HTRA4: variants seen among roughly 807,000 people sequenced by gnomAD.
HTRA4 encodes HtrA serine peptidase 4, also known as serine protease HTRA4.
Under a neutral mutation model 49.1 loss-of-function variants are expected in HTRA4, and 46 were observed. That is an observed-to-expected ratio of 0.94 (90% CI 0.74 to 1.20). The LOEUF (loss-of-function observed/expected upper bound fraction) is 1.20, where lower values mean the gene tolerates loss of function less well. Among genes scored for constraint, HTRA4 ranks in the 50% most tolerant of loss-of-function variants. HTRA4 has a pLI of 0.00. For missense variants in HTRA4, 602 were observed against 636.9 expected (o/e 0.95, Z 0.59); for synonymous variants, 261 against 264.0 (o/e 0.99, Z 0.11).
chr8:38,981,844 G>C, intron 6 of HTRA4, 77 bp downstream of exon 6: 1 of 1,064,928 alleles, frequency 9.4e-7, no homozygotes, highest in South Asian at 1.4e-5. Flanking sequence ...TGTGGTGACA[G>C]CAATTTTTTT....
chr8:38,979,194 T>C, intron 4 of HTRA4, 21 bp from the exon 5 acceptor site: 2 of 1,607,608 alleles, frequency 1.2e-6, no homozygotes, highest in Non-Finnish European at 1.7e-6. Flanking sequence ...CACTGATGTC[T>C]TTTTCAAATT....
At chr8:38,984,748 A>T (rs562521856) in intron 8 of HTRA4, among the ~76,000 whole-genome samples, 1 of 151,856 alleles carries the variant, frequency 6.6e-6, no homozygotes, top group African/African-American at 2.4e-5. Context: ...GACCCCATTT[A>T]AAAAAACAAA....
chr8:38,975,213 A>T, intron 2 of HTRA4, 83 bp downstream of exon 2: 2 of 1,363,446 alleles, frequency 1.5e-6, no homozygotes, highest in South Asian at 2.3e-5. Flanking sequence ...CGCAAGCGTC[A>T]TTTAATCCTA....
chr8:38,987,849 T>C, intron 8 of HTRA4, 87 bp from the exon 9 acceptor site: 1 of 1,214,362 alleles, frequency 8.2e-7, no homozygotes, highest in East Asian at 2.6e-5. Context: ...AATAGTGCCA[T>C]TAAGACAGAA....
At chr8:38,982,252 AG>A (rs1177367761) in intron 6 of HTRA4, among the ~76,000 whole-genome samples, 1 of 152,170 alleles carries the variant, frequency 6.6e-6, no homozygotes, top group East Asian at 1.9e-4. Context: ...GCACAAACCA[AG>A]CATGAGTTGT....
chr8:38,974,289 CGG>C lies in HTRA4; in HGVS notation c.29_30del (p.Gly10AlafsTer22). The C allele has an allele frequency of 6.2e-7, 1 of 1,612,110 alleles. No individual in the cohort carries two copies. Among genetic ancestry groups the C allele is most frequent in the African/African-American group, 1.3e-5 (1 of 74,982 alleles). On this transcript the variant is annotated frameshift_variant, in exon 1 of 9. Coordinates refer to ENST00000302495, the MANE Select transcript of HTRA4 (RefSeq NM_153692.4). LOFTEE classifies it high-confidence loss of function. ...ATGATTAGACCTCAGCTGCGGACCG[CGG>C]GGCTGGGACGATGCCTCCTGCCGGG... is the stretch of plus-strand genomic sequence containing the variant.
intron 3 of HTRA4, 74 bp downstream of exon 3, chr8:38,976,813 A>G: frequency 7.2e-7 from 1 of 1,387,372 alleles, no homozygotes; most frequent in Non-Finnish European, 1.0e-6. Context: ...TTTCTGCCCC[A>G]CTACACTCTC....
chr8:38,983,430 G>C (rs1835447173), intron 8 of HTRA4, among the ~76,000 whole-genome samples: 1 of 152,050 alleles, frequency 6.6e-6, no homozygotes, highest in Non-Finnish European at 1.5e-5. Context: ...GGAGGCTGAG[G>C]CAGGAGAATC....
At chr8:38,976,925 A>G (rs1835358364) in intron 3 of HTRA4, among the ~76,000 whole-genome samples, 186 bp downstream of exon 3, 1 of 151,012 alleles carries the variant, frequency 6.6e-6, no homozygotes, top group Admixed American at 6.6e-5. Flanking sequence ...GTATATCCCT[A>G]ACCGTTTCTT....
Position 38,988,052 on chromosome 8 carries a change from G to A in HTRA4, c.1385G>A (p.Gly462Glu). The part of the protein sequence containing the change: ...SDSLSMAVLR[G>E]KDNLLLTVIP... ...TCCCTTTCCATGGCTGTTCTTCGGG[G>A]AAAAGATAATTTGCTCCTGACAGTC... The change falls in exon 9 of 9, where the codon GGA becomes GAA. Residue 462 changes from glycine (G) to glutamate (E), a missense_variant. Transcript: ENST00000302495. 4 of 1,610,190 alleles carry A rather than the reference G, an allele frequency of 2.5e-6. No individual in the cohort carries two copies. The highest frequency in any genetic ancestry group is 3.4e-6 in the Non-Finnish European group (4 of 1,178,930).
chr8:38,977,954 C>T lies in HTRA4; in HGVS notation c.773C>T (p.Ala258Val). The change falls in exon 4 of 9, where the codon GCT becomes GTT. Residue 258 changes from alanine (A) to valine (V), a missense_variant and splice_region_variant. By Grantham distance (64) the Ala-to-Val change is moderately conservative. Transcript: ENST00000302495. The part of the protein sequence containing the change: ...DLAVIKIESN[A>V]ELPVLMLGRS... Reference sequence around the variant, plus strand: ...CCATCCCTTTTTGGGCACGTGCAGGCTGAACTTCCTGTACTGATGCTGGGA... The same window carrying T: ...CCATCCCTTTTTGGGCACGTGCAGGTTGAACTTCCTGTACTGATGCTGGGA... 2.5e-6 allele frequency: 4 copies of T among 1,613,336 alleles called. No individual in the cohort carries two copies. The highest frequency in any genetic ancestry group is 3.4e-6 in the Non-Finnish European group (4 of 1,179,826).
chr8:38,977,322 C>T (rs1287886980), intron 3 of HTRA4, among the ~76,000 whole-genome samples: 4 of 143,534 alleles, frequency 2.8e-5, no homozygotes, highest in Non-Finnish European at 4.5e-5. Context: ...AATTATTTCT[C>T]TACTTGTCTT....
In HTRA4 at chr8:38,974,522, C is replaced by A; in HGVS notation, c.259C>A (p.Pro87Thr). ...AGTCTGCGGCGGGGCGCAGGGCCAA[C>A]CGTGCGCCCCGGGGCTGCAGTGCCT... ...REVCGGAQGQ[P>T]CAPGLQCLQP... Residue 87 changes from proline to threonine, a missense_variant, in exon 1 of 9, where the codon CCG becomes ACG. Physicochemically the swap from Pro to Thr is conservative, Grantham distance 38. Transcript: ENST00000302495. 1 of 1,436,880 alleles carries A rather than the reference C, an allele frequency of 7.0e-7. No homozygotes were observed. Among genetic ancestry groups the A allele is most frequent in the Non-Finnish European group, 9.0e-7 (1 of 1,107,904 alleles). 89.0% of individuals were successfully genotyped at this position (1,436,880 alleles called of 1,614,324 possible). A position where few individuals can be genotyped will look rare whatever the true frequency, so the allele number is the denominator to read the frequency against.
chr8:38,974,511 C>T lies in HTRA4; in HGVS notation c.248C>T (p.Ala83Val), dbSNP rs772016067. Residue 83 changes from alanine to valine, a missense_variant, in exon 1 of 9, where the codon GCG (alanine) becomes GTG (valine). Coordinates refer to ENST00000302495, the MANE Select transcript of HTRA4 (RefSeq NM_153692.4). ...PAAEREVCGG[A>V]QGQPCAPGLQ... ...GCCGAGCGTGAAGTCTGCGGCGGGG[C>T]GCAGGGCCAACCGTGCGCCCCGGGG... is the stretch of plus-strand genomic sequence containing the variant. The T allele has an allele frequency of 1.4e-6, 2 of 1,472,266 alleles. No homozygotes were observed. The highest frequency in any genetic ancestry group is 1.5e-5 in the African/African-American group (1 of 67,634). 91.2% of individuals were successfully genotyped at this position (1,472,266 alleles called of 1,614,324 possible).
At chr8:38,979,107 G>A (rs1835388797) in intron 4 of HTRA4, 108 bp from the exon 5 acceptor site, 3 of 1,009,982 alleles carry the variant, frequency 3.0e-6, no homozygotes, top group Admixed American at 1.7e-5. Context: ...GGGGGAATAG[G>A]AGCTTGGTGG....
intron 5 of HTRA4, among the ~76,000 whole-genome samples, chr8:38,979,705 C>T (rs921320391): frequency 3.9e-5 from 6 of 152,084 alleles, no homozygotes; most frequent in Non-Finnish European, 5.9e-5. Context: ...TTAATAGAGA[C>T]GATGTCTCAC....
intron 7 of HTRA4, 81 bp downstream of exon 7, chr8:38,982,636 C>T (rs1047480705): frequency 6.1e-5 from 78 of 1,285,138 alleles, no homozygotes; most frequent in Middle Eastern, 3.7e-4. Context: ...AAAAGCTGAG[C>T]CACTTGGACC....
intron 1 of HTRA4, 26 bp downstream of exon 1, chr8:38,974,755 G>T (rs1835324361): frequency 1.4e-6 from 2 of 1,410,744 alleles, no homozygotes; most frequent in Non-Finnish European, 1.8e-6. Context: ...GCGCGCCCTC[G>T]GAACACTTTC....
At chr8:38,986,770 CAG>C (rs1157007983) in intron 8 of HTRA4, among the ~76,000 whole-genome samples, 1 of 152,184 alleles carries the variant, frequency 6.6e-6, no homozygotes, top group African/African-American at 2.4e-5. Flanking sequence ...TTCTGACAGG[CAG>C]AGTGATTTAG....
Sources: allele counts gnomAD v4.1 joint callset (sites outside exome capture counted in the v4.1 genomes callset), GRCh38; gene constraint gnomAD v4.1.1; transcripts MANE v1.5; gene names NCBI Gene and HGNC (gene_info 2026-07-23, HGNC 2026-07-21).